NFATC3: variants seen among roughly 807,000 people sequenced by gnomAD.
NFATC3 encodes nuclear factor of activated T cells 3, also known as nuclear factor of activated T-cells, cytoplasmic 3.
Under a neutral mutation model 98.6 loss-of-function variants are expected in NFATC3, and 46 were observed. The observed-to-expected ratio is 0.47, with a 90% CI of 0.37 to 0.60. The LOEUF (loss-of-function observed/expected upper bound fraction) is 0.60. NFATC3 is among the 20% of genes least tolerant of loss of function. NFATC3 has a pLI of 0.00. For missense variants in NFATC3, 1,256 were observed against 1,295.5 expected (o/e 0.97, Z 0.47); for synonymous variants, 512 against 472.2 (o/e 1.08, Z -1.09).
intron 5 of NFATC3, among the ~76,000 whole-genome samples, chr16:68,168,951 A>G (rs1167183706): frequency 6.6e-6 from 1 of 152,172 alleles, no homozygotes. Context: ...TTAAAATTTA[A>G]AAAATATATT....
intron 4 of NFATC3, among the ~76,000 whole-genome samples, chr16:68,161,054 C>G (rs995408125): frequency 6.6e-6 from 1 of 152,164 alleles, no homozygotes; most frequent in Non-Finnish European, 1.5e-5. Flanking sequence ...TTCAGATACT[C>G]GAGCAAAACT....
At chr16:68,140,459 T>C (rs1249065190) in intron 3 of NFATC3, among the ~76,000 whole-genome samples, 1 of 152,194 alleles carries the variant, frequency 6.6e-6, no homozygotes, top group Non-Finnish European at 1.5e-5. Flanking sequence ...TCAATTTAAA[T>C]TAAACTGAAA....
chr16:68,160,947 A>ACT (rs2038862328), intron 4 of NFATC3, among the ~76,000 whole-genome samples: 1 of 136,848 alleles, frequency 7.3e-6, no homozygotes, highest in Non-Finnish European at 1.5e-5. Flanking sequence ...AGCCTCCCAA[A>ACT]GTGCTGGGAT....
rs2040024689 is a variant in NFATC3, at chr16:68,183,360, A to G, written c.2092A>G (p.Thr698Ala). 2 of 1,612,290 alleles carry G rather than the reference A, an allele frequency of 1.2e-6. No individual in the cohort carries two copies. The highest frequency in any genetic ancestry group is 1.7e-6 in the Non-Finnish European group (2 of 1,179,956). ...AAGCCAGTCTCAACGTTTTACTTAT[A>G]CACCAGGTACGAGGAGTCATGATGG... ...KKSQSQRFTYTPVLMKQEHRE... is the reference protein window; with the variant it reads ...KKSQSQRFTYAPVLMKQEHRE... The change falls in exon 8 of 10, where the codon ACA becomes GCA. Residue 698 changes from threonine (T) to alanine (A), a missense_variant. Coordinates refer to ENST00000346183, the MANE Select transcript of NFATC3 (RefSeq NM_173165.3).
intron 6 of NFATC3, among the ~76,000 whole-genome samples, chr16:68,176,187 A>G (rs2039694344): frequency 6.6e-6 from 1 of 152,136 alleles, no homozygotes; most frequent in African/African-American, 2.4e-5. Flanking sequence ...CATATTGGCC[A>G]GGCTGGTCTC....
At chr16:68,219,761 A>T (rs540714033) in intron 9 of NFATC3, among the ~76,000 whole-genome samples, 2 of 152,310 alleles carry the variant, frequency 1.3e-5, no homozygotes, top group East Asian at 3.9e-4. Flanking sequence ...ACAAAATTGC[A>T]AATTAGAAAG....
At chr16:68,173,571 AAAAT>A (rs1488592984) in intron 5 of NFATC3, among the ~76,000 whole-genome samples, 6 of 152,204 alleles carry the variant, frequency 3.9e-5, no homozygotes, top group Admixed American at 6.5e-5. Flanking sequence ...TGTCTCAAAA[AAAAT>A]AAATAAATAA....
chr16:68,162,469 C>G (rs2038938033), intron 4 of NFATC3, among the ~76,000 whole-genome samples: 2 of 152,076 alleles, frequency 1.3e-5, no homozygotes, highest in South Asian at 4.2e-4. Flanking sequence ...ATAAGTGAAC[C>G]TTAAGTATGT....
At chr16:68,164,402 C>T (rs532691591) in intron 4 of NFATC3, among the ~76,000 whole-genome samples, 7 of 152,004 alleles carry the variant, frequency 4.6e-5, no homozygotes, top group Middle Eastern at 3.4e-3. Flanking sequence ...AGAGGGAGAC[C>T]GTGGGGAGAG....
chr16:68,156,140 G>A (rs1023142118), intron 3 of NFATC3, among the ~76,000 whole-genome samples: 4 of 151,820 alleles, frequency 2.6e-5, no homozygotes, highest in East Asian at 3.9e-4. Context: ...GTGAAATCTC[G>A]TCTCTACTAA....
At chr16:68,112,109 C>T (rs1457784359) in intron 1 of NFATC3, among the ~76,000 whole-genome samples, 1 of 151,974 alleles carries the variant, frequency 6.6e-6, no homozygotes, top group Non-Finnish European at 1.5e-5. Context: ...TTGATCTTCT[C>T]ATGGAGTATC....
chr16:68,130,682 T>A (rs753850567), intron 3 of NFATC3, among the ~76,000 whole-genome samples: 13 of 152,210 alleles, frequency 8.5e-5, no homozygotes, highest in Non-Finnish European at 1.8e-4. Flanking sequence ...TTTTATTGGC[T>A]GTGATTTTGT....
chr16:68,208,598 C>T (rs778688010), intron 9 of NFATC3, among the ~76,000 whole-genome samples: 5 of 152,034 alleles, frequency 3.3e-5, no homozygotes, highest in Non-Finnish European at 7.4e-5. Flanking sequence ...GGTGTGGTGG[C>T]ATATGCCTGT....
Position 68,190,887 on chromosome 16 carries a change from GTACTGTCAGGACAGAGAAGTT to G in NFATC3, c.2220_2240del (p.Leu741_Leu747del). 1 of 1,614,140 alleles carries G rather than the reference GTACTGTCAGGACAGAGAAGTT, an allele frequency of 6.2e-7. No individual in the cohort carries two copies. Among genetic ancestry groups the G allele is most frequent in the Non-Finnish European group, 8.5e-7 (1 of 1,180,006 alleles). On this transcript the variant is annotated inframe_deletion, in exon 9 of 10. Transcript: ENST00000346183. ...TGATTCAGGGTGTTCACATGACAGT[GTACTGTCAGGACAGAGAAGTT>G]TGATTTGCTCCATCCCACAAACATA...
At chr16:68,138,720 G>T (rs372460898) in intron 3 of NFATC3, 1 of 1,288,874 alleles carries the variant, frequency 7.8e-7, no homozygotes, top group Non-Finnish European at 1.0e-6. Flanking sequence ...GTAGTCCCTG[G>T]CTGGGCAGCC....
chr16:68,213,316 G>A (rs1428766835), intron 9 of NFATC3, among the ~76,000 whole-genome samples: 1 of 151,560 alleles, frequency 6.6e-6, no homozygotes, highest in East Asian at 2.0e-4. Context: ...TCAGGAGGCT[G>A]AGGCAGGAGA....
chr16:68,103,242 G>T (rs2035468546), intron 1 of NFATC3, among the ~76,000 whole-genome samples: 1 of 150,266 alleles, frequency 6.7e-6, no homozygotes, highest in Admixed American at 6.6e-5. Flanking sequence ...TCACTCTGTT[G>T]CCCAGGCTGG....
chr16:68,091,280 G>A (rs1340251174), intron 1 of NFATC3, among the ~76,000 whole-genome samples: 2 of 152,110 alleles, frequency 1.3e-5, no homozygotes, highest in African/African-American at 4.8e-5. Flanking sequence ...TATCTTAAGC[G>A]TTCAAGATAA....
intron 1 of NFATC3, among the ~76,000 whole-genome samples, chr16:68,107,728 A>T (rs1279601501): frequency 6.6e-6 from 1 of 151,416 alleles, no homozygotes; most frequent in Non-Finnish European, 1.5e-5. Flanking sequence ...GTATCAAAAA[A>T]ATATAATAAT....
Sources: allele counts gnomAD v4.1 joint callset (sites outside exome capture counted in the v4.1 genomes callset), GRCh38; gene constraint gnomAD v4.1.1; transcripts MANE v1.5; gene names NCBI Gene and HGNC (gene_info 2026-07-23, HGNC 2026-07-21).